Variants in PRKAG2 observed in about 807,000 individuals in gnomAD.
The protein encoded by PRKAG2 is 5'-AMP-activated protein kinase subunit gamma-2.
PRKAG2 carries 26 observed loss-of-function variants against 69.6 expected under a neutral mutation model. The observed-to-expected ratio is 0.37, with a 90% CI of 0.27 to 0.52. The LOEUF (loss-of-function observed/expected upper bound fraction) is 0.52, where lower values mean the gene tolerates loss of function less well. PRKAG2 is among the 20% of genes least tolerant of loss of function. PRKAG2 has a pLI of 0.90. For missense variants in PRKAG2, 557 were observed against 740.0 expected, an observed-to-expected ratio of 0.75 and a Z score of 2.87; for synonymous variants, 293 against 285.0, an observed-to-expected ratio of 1.03 and a Z score of -0.28.
chr7:151,668,433 A>C (rs948225385), intron 4 of PRKAG2, among the ~76,000 whole-genome samples: 1 of 152,240 alleles, frequency 6.6e-6, no homozygotes, highest in Admixed American at 6.5e-5. Flanking sequence ...ATCAGCTGGC[A>C]AAAGAAGAGC....
chr7:151,560,357 A>T, intron 15 of PRKAG2, 167 bp downstream of exon 15: 1 of 1,532,382 alleles, frequency 6.5e-7, no homozygotes. Flanking sequence ...CACGCAGAAC[A>T]CTTAAACTTC....
chr7:151,734,694 C>T (rs1365722173), intron 3 of PRKAG2, among the ~76,000 whole-genome samples: 1 of 152,124 alleles, frequency 6.6e-6, no homozygotes, highest in African/African-American at 2.4e-5. Flanking sequence ...GGACTACAGG[C>T]ATGTGCCACC....
chr7:151,621,997 C>T lies in PRKAG2; in HGVS notation c.754+10072G>A, dbSNP rs148423949. Among the ~76,000 whole-genome samples the T allele has an allele frequency of 4.6e-5, 7 of 152,300 alleles. No homozygotes were observed. The South Asian group carries it at 6.2e-4, about 14-fold the overall frequency. ...TGAACAGACTTGACAAAGGTTTATCCACTTTACTGACTTATCCAAGAACTA... is the reference window on the plus strand; with the variant it reads ...TGAACAGACTTGACAAAGGTTTATCTACTTTACTGACTTATCCAAGAACTA... On this transcript the variant is annotated intron_variant, in intron 5 of 15. Coordinates refer to ENST00000287878, the MANE Select transcript of PRKAG2 (RefSeq NM_016203.4).
intron 4 of PRKAG2, among the ~76,000 whole-genome samples, chr7:151,651,107 G>A (rs1828418437): frequency 6.6e-6 from 1 of 152,162 alleles, no homozygotes; most frequent in South Asian, 2.1e-4. Context: ...TGGAAACCTT[G>A]TGTCTGCCAC....
chr7:151,714,381 C>T lies in PRKAG2; in HGVS notation c.467-38744G>A, dbSNP rs937169434. Among the ~76,000 whole-genome samples the T allele has an allele frequency of 4.7e-5, 7 of 150,196 alleles. No homozygotes were observed. The South Asian group carries it at 6.4e-4, about 14-fold the overall frequency. On this transcript the variant is annotated intron_variant, in intron 3 of 15. Coordinates refer to ENST00000287878, the MANE Select transcript of PRKAG2 (RefSeq NM_016203.4). ...ACGCACGCTGCCGTCCTCCCATCCGCGCCCCGCCGTGCCTAGGTGGAGAGG... is the reference window on the plus strand; with the variant it reads ...ACGCACGCTGCCGTCCTCCCATCCGTGCCCCGCCGTGCCTAGGTGGAGAGG...
chr7:151,807,402 C>T lies in PRKAG2; in HGVS notation c.115-20861G>A, dbSNP rs143177970. 4.3e-4 allele frequency: 196 copies of T among 457,656 alleles called. 1 individual carries two copies. The East Asian group carries it at 8.6e-3, about 20-fold the overall frequency. 28.3% of individuals were successfully genotyped at this position (457,656 alleles called of 1,614,324 possible). A position where few individuals can be genotyped will look rare whatever the true frequency, so the allele number is the denominator to read the frequency against. On this transcript the variant is annotated intron_variant, in intron 1 of 15. Transcript: ENST00000287878. The surrounding 1 kb of genome is among the most constrained non-coding windows in gnomAD (Gnocchi z 4.4). ...GTGGAATTTTCAGGAAGCAGCTGTG[C>T]TGTGGGTGACGGTCATACTTTATTC...
chr7:151,791,908 G>C (rs2077286982), intron 1 of PRKAG2, among the ~76,000 whole-genome samples: 1 of 152,172 alleles, frequency 6.6e-6, no homozygotes, highest in African/African-American at 2.4e-5. Context: ...ACACAAGTAG[G>C]AAAGACAAGT....
intron 4 of PRKAG2, among the ~76,000 whole-genome samples, chr7:151,651,640 T>TG (rs1331328781): frequency 6.6e-6 from 1 of 151,758 alleles, no homozygotes; most frequent in Non-Finnish European, 1.5e-5. Context: ...GCAAGATAGA[T>TG]GGACAGATTC....
At chr7:151,668,620 T>C (rs1831387117) in intron 4 of PRKAG2, among the ~76,000 whole-genome samples, 1 of 152,202 alleles carries the variant, frequency 6.6e-6, no homozygotes, top group Non-Finnish European at 1.5e-5. Flanking sequence ...TGGGACATCC[T>C]ATAACTAAAG....
At chr7:151,710,343 C>A (rs55791829) in intron 3 of PRKAG2, among the ~76,000 whole-genome samples, 1 of 152,090 alleles carries the variant, frequency 6.6e-6, no homozygotes, top group African/African-American at 2.4e-5. Context: ...TCTCGCCCCC[C>A]GCCCTGAGGC....
At chr7:151,618,818 T>C (rs1411682851) in intron 5 of PRKAG2, among the ~76,000 whole-genome samples, 4 of 152,178 alleles carry the variant, frequency 2.6e-5, no homozygotes, top group African/African-American at 9.7e-5. Flanking sequence ...CCTAGAAACA[T>C]GAACAGAAAC....
Position 151,777,263 on chromosome 7 carries a change from C to T in PRKAG2, c.466+3889G>A, listed in dbSNP as rs757812757. ...AGAGTCATCCCCAGGCCTGTGCCTG[C>T]GTTCCCTCACTGTGAGCACAGTGTC... On this transcript the variant is annotated intron_variant, in intron 3 of 15. Transcript: ENST00000287878. This position sits in a 1 kb window ranked among gnomAD's most constrained non-coding sequence, Gnocchi z 4.3. Among the ~76,000 whole-genome samples, 15 of 152,338 alleles carry T rather than the reference C, an allele frequency of 9.8e-5. No individual in the cohort carries two copies. Among genetic ancestry groups the T allele is most frequent in the South Asian group, 2.1e-4 (1 of 4,832 alleles).
intron 1 of PRKAG2, among the ~76,000 whole-genome samples, chr7:151,817,631 TC>T (rs2078676212): frequency 1.3e-5 from 2 of 152,168 alleles, no homozygotes. Flanking sequence ...CTAAAGCCCC[TC>T]CCTGGCACCT....
In PRKAG2 at chr7:151,826,005, C is replaced by A. The variant is rs115834241; in HGVS notation, c.115-39464G>T. Among the ~76,000 whole-genome samples the A allele has an allele frequency of 1.0e-2, 1,518 of 152,248 alleles. 20 individuals are homozygous for A. The highest frequency in any genetic ancestry group is 0.033 in the African/African-American group (1,383 of 41,532). ...TGTGGGTTTAAAACAGGAAGTCCCA[C>A]ATTTGAAGAAGCCCCTCCATCCCAG... On this transcript the variant is annotated intron_variant, in intron 1 of 15. Coordinates refer to ENST00000287878, the MANE Select transcript of PRKAG2 (RefSeq NM_016203.4).
rs146020757 is a variant in PRKAG2 at position 151,586,460 on chromosome 7, G to A, written c.864+8885C>T. Among the ~76,000 whole-genome samples, 27 of 152,112 alleles carry A rather than the reference G, an allele frequency of 1.8e-4. 1 individual carries two copies. The East Asian group carries it at 5.0e-3, about 28-fold the overall frequency. ...CTCTTTCCTTTTATCTCTGGCCTCCGAAATCAGACCTCTTCTCCGCAACTC... is the reference window on the plus strand; with the variant it reads ...CTCTTTCCTTTTATCTCTGGCCTCCAAAATCAGACCTCTTCTCCGCAACTC... On this transcript the variant is annotated intron_variant, in intron 6 of 15. Transcript: ENST00000287878.
chr7:151,766,372 G>C (rs546703602), intron 3 of PRKAG2, among the ~76,000 whole-genome samples: 7 of 152,322 alleles, frequency 4.6e-5, no homozygotes, highest in African/African-American at 1.4e-4. Flanking sequence ...AGACATTTTG[G>C]AGTCAACAAT....
intron 1 of PRKAG2, among the ~76,000 whole-genome samples, chr7:151,791,291 G>C (rs2077263879): frequency 6.6e-6 from 1 of 152,212 alleles, no homozygotes; most frequent in Non-Finnish European, 1.5e-5. Flanking sequence ...TTGGCTTGTA[G>C]AATACTTAGG....
At chr7:151,572,612 TA>T in intron 9 of PRKAG2, 51 bp downstream of exon 9, 1 of 1,329,800 alleles carries the variant, frequency 7.5e-7, no homozygotes, top group Non-Finnish European at 1.1e-6. Context: ...CTTTTCATAC[TA>T]AACATAGCTT....
At chr7:151,736,625 G>A (rs1410898080) in intron 3 of PRKAG2, among the ~76,000 whole-genome samples, 1 of 152,206 alleles carries the variant, frequency 6.6e-6, no homozygotes, top group African/African-American at 2.4e-5. Context: ...GGGGTCAGAA[G>A]GCTCCGGCTG....
Sources: allele counts gnomAD v4.1 joint callset (sites outside exome capture counted in the v4.1 genomes callset), GRCh38; gene constraint gnomAD v4.1.1; non-coding constraint Gnocchi (gnomAD v3.1); transcripts MANE v1.5; gene names NCBI Gene and HGNC (gene_info 2026-07-23, HGNC 2026-07-21).